Variants in HDAC9 observed in about 807,000 individuals in gnomAD.
HDAC9 encodes histone deacetylase 9.
A neutral mutation model predicts 139.4 loss-of-function variants in HDAC9; 41 were observed. That is an observed-to-expected ratio of 0.29 (90% confidence interval 0.23 to 0.38). The LOEUF (loss-of-function observed/expected upper bound fraction) is 0.38. Ranked by LOEUF, HDAC9 falls within the 10% of genes least tolerant of loss-of-function variation. The pLI is 1.00. For synonymous variants in HDAC9, 517 were observed against 476.2 expected (o/e 1.09, Z -1.12); for missense variants, 1,147 against 1,297.0 (o/e 0.88, Z 1.78).
chr7:18,090,335 G>A (rs1434639837), intron 1 of HDAC9, among the ~76,000 whole-genome samples: 1 of 152,150 alleles, frequency 6.6e-6, no homozygotes, highest in African/African-American at 2.4e-5. Context: ...GTGCAGATCA[G>A]ATTTTAAATC....
intron 21 of HDAC9, among the ~76,000 whole-genome samples, chr7:18,842,203 C>T (rs952597925): frequency 5.9e-5 from 9 of 152,050 alleles, no homozygotes; most frequent in Non-Finnish European, 1.2e-4. Context: ...ATATTAAGCT[C>T]ATGATATCAT....
At chr7:18,507,181 A>ATTG (rs1800032684) in intron 2 of HDAC9, among the ~76,000 whole-genome samples, 1 of 147,970 alleles carries the variant, frequency 6.8e-6, no homozygotes, top group Non-Finnish European at 1.5e-5. Flanking sequence ...TATTATTATT[A>ATTG]TTATTATTAT....
intron 1 of HDAC9, among the ~76,000 whole-genome samples, chr7:18,117,528 A>T (rs1784079018): frequency 1.3e-5 from 2 of 151,664 alleles, no homozygotes; most frequent in Non-Finnish European, 2.9e-5. Context: ...AAGAGAAGAG[A>T]TAGAGAGACT....
intron 1 of HDAC9, among the ~76,000 whole-genome samples, chr7:18,295,992 A>T (rs191416592): frequency 2.7e-4 from 41 of 152,326 alleles, no homozygotes; most frequent in African/African-American, 8.4e-4. Context: ...GATCTTCACT[A>T]GAATTTTTCT....
intron 2 of HDAC9, among the ~76,000 whole-genome samples, chr7:18,192,512 G>A (rs1224996335): frequency 6.6e-6 from 1 of 152,098 alleles, no homozygotes; most frequent in Non-Finnish European, 1.5e-5. Flanking sequence ...AAGGAATCAT[G>A]GGTATTTACT....
chr7:18,741,142 C>T (rs1049735798), intron 13 of HDAC9, among the ~76,000 whole-genome samples: 1 of 152,122 alleles, frequency 6.6e-6, no homozygotes, highest in Admixed American at 6.5e-5. Flanking sequence ...CTAGCTAAGA[C>T]CGTTGGTGAA....
intron 12 of HDAC9, among the ~76,000 whole-genome samples, chr7:18,701,952 A>G (rs766198151): frequency 1.3e-5 from 2 of 152,208 alleles, no homozygotes; most frequent in Non-Finnish European, 2.9e-5. Context: ...CATAGAGTCA[A>G]ATAAGGCACA....
chr7:18,911,416 C>A (rs536292928), intron 22 of HDAC9, among the ~76,000 whole-genome samples: 1 of 151,638 alleles, frequency 6.6e-6, no homozygotes, highest in African/African-American at 2.4e-5. Flanking sequence ...ATCTCGTCTC[C>A]TTTTCTTAGT....
intron 1 of HDAC9, among the ~76,000 whole-genome samples, chr7:18,413,433 A>G (rs1020073443): frequency 1.3e-5 from 2 of 152,102 alleles, no homozygotes; most frequent in African/African-American, 4.8e-5. Flanking sequence ...TTCCTTGTTG[A>G]TATTTTTGAA....
At chr7:18,095,852 A>G (rs567726922) in intron 1 of HDAC9, among the ~76,000 whole-genome samples, 2 of 152,246 alleles carry the variant, frequency 1.3e-5, no homozygotes, top group Non-Finnish European at 2.9e-5. Context: ...GTTTAAAAGT[A>G]TAAAGATGCA....
intron 1 of HDAC9, among the ~76,000 whole-genome samples, chr7:18,401,264 TATACTC>T (rs1158477577): frequency 3.3e-5 from 5 of 152,138 alleles, no homozygotes; most frequent in Non-Finnish European, 5.9e-5. Flanking sequence ...GAGAAAAACT[TATACTC>T]AAGGAAAGGT....
rs968371277 is a variant in HDAC9 at position 18,684,721 on chromosome 7, A to G, written c.1731+18245A>G. On this transcript the variant is annotated intron_variant, in intron 12 of 25. Coordinates refer to ENST00000686413, the MANE Select transcript of HDAC9 (RefSeq NM_178425.4). The stretch of plus-strand genomic sequence containing the variant: ...CTTGGGAACTTTATTTCCTACCCCA[A>G]GAGACAGTTGGTTTATGAAGTAACC... Among the ~76,000 whole-genome samples, 4 of 151,980 alleles carry G rather than the reference A, an allele frequency of 2.6e-5. No individual in the cohort carries two copies. The East Asian group carries it at 5.8e-4, about 22-fold the overall frequency.
At position 18,405,685 on chromosome 7, in the gene HDAC9, G is replaced by A. The variant is rs187890382; in HGVS notation, c.-41-90577G>A. On this transcript the variant is annotated intron_variant, in intron 1 of 3. Coordinates refer to the HDAC9 transcript ENST00000413509. Reference sequence around the variant, plus strand: ...CAAGAGAGAAAAAAAAAATATGCTAGGGAAAGAAATTAAGGCAGAACTGAT... The same window carrying A: ...CAAGAGAGAAAAAAAAAATATGCTAAGGAAAGAAATTAAGGCAGAACTGAT... 2.3e-4 allele frequency among the ~76,000 whole-genome samples: 35 copies of A among 152,264 alleles called. 1 individual carries two copies. The highest frequency in any genetic ancestry group is 1.2e-4 in the Non-Finnish European group (8 of 67,996).
intron 1 of HDAC9, among the ~76,000 whole-genome samples, chr7:18,111,211 G>A (rs955657059): frequency 6.6e-6 from 1 of 152,160 alleles, no homozygotes; most frequent in East Asian, 1.9e-4. Context: ...TATAGAAGAA[G>A]GGGACCTAAC....
intron 1 of HDAC9, among the ~76,000 whole-genome samples, chr7:18,111,101 G>A (rs551572769): frequency 2.0e-5 from 3 of 152,308 alleles, no homozygotes; most frequent in African/African-American, 7.2e-5. Context: ...TGAGGATGTG[G>A]CAAGAAAAGA....
intron 1 of HDAC9, among the ~76,000 whole-genome samples, chr7:18,453,284 A>C (rs911142025): frequency 4.6e-5 from 7 of 152,174 alleles, no homozygotes; most frequent in Non-Finnish European, 1.0e-4. Context: ...TTCCAGGTGT[A>C]ATGATGATAA....
At chr7:18,180,936 C>T (rs145997496) in intron 2 of HDAC9, among the ~76,000 whole-genome samples, 1 of 152,266 alleles carries the variant, frequency 6.6e-6, no homozygotes, top group Non-Finnish European at 1.5e-5. Flanking sequence ...TGGTTTGTGA[C>T]TGTATCACTC....
At chr7:18,879,129 A>G (rs1385251664) in intron 22 of HDAC9, among the ~76,000 whole-genome samples, 2 of 152,176 alleles carry the variant, frequency 1.3e-5, no homozygotes, top group Non-Finnish European at 2.9e-5. Flanking sequence ...TACAATGAGA[A>G]TTACAAAACT....
At chr7:18,105,735 A>G (rs1783152428) in intron 1 of HDAC9, among the ~76,000 whole-genome samples, 1 of 151,964 alleles carries the variant, frequency 6.6e-6, no homozygotes, top group Admixed American at 6.6e-5. Context: ...CTAGGTATAC[A>G]CCCAAAAGAA....
Sources: allele counts gnomAD v4.1 joint callset (sites outside exome capture counted in the v4.1 genomes callset), GRCh38; gene constraint gnomAD v4.1.1; transcripts MANE v1.5; gene names NCBI Gene and HGNC (gene_info 2026-07-23, HGNC 2026-07-21).